The following VWA8 variants were observed in gnomAD, a reference collection of about 807,000 sequenced individuals.
VWA8 encodes von Willebrand factor A domain-containing protein 8.
A neutral mutation model predicts 241.5 loss-of-function variants in VWA8; 221 were observed. That is an observed-to-expected ratio of 0.91 (90% confidence interval 0.82 to 1.02). The LOEUF (loss-of-function observed/expected upper bound fraction) is 1.02. Ranked by LOEUF, VWA8 falls within the 50% of genes least tolerant of loss-of-function variation. VWA8 has a pLI of 0.00. For missense variants in VWA8, 2,322 were observed against 2,328.7 expected (o/e 1.00, Z 0.06); for synonymous variants, 852 against 827.1 (o/e 1.03, Z -0.52).
Position 41,648,727 on chromosome 13 carries a change from A to G in VWA8, c.4611+22219T>C, listed in dbSNP as rs369799373. ...GAGACATACAATTATAATTACCTTC[A>G]TAATAGCAACAATAACACATAGAAG... On this transcript the variant is annotated intron_variant, in intron 37 of 44. Transcript: ENST00000379310. 6.6e-5 allele frequency among the ~76,000 whole-genome samples: 10 copies of G among 152,234 alleles called. No homozygotes were observed. In the East Asian group the frequency reaches 1.2e-3, roughly 18 times the overall value.
chr13:41,937,469 T>A (rs757711352), intron 2 of VWA8, among the ~76,000 whole-genome samples: 12 of 152,084 alleles, frequency 7.9e-5, no homozygotes, highest in Non-Finnish European at 1.3e-4. Flanking sequence ...ACCAGTAGGG[T>A]TTGTCCTCCT....
At chr13:41,797,957 A>G (rs1047466532) in intron 17 of VWA8, among the ~76,000 whole-genome samples, 3 of 151,760 alleles carry the variant, frequency 2.0e-5, no homozygotes, top group Non-Finnish European at 2.9e-5. Context: ...TTTCATTTCC[A>G]CCTATGTTGT....
intron 43 of VWA8, among the ~76,000 whole-genome samples, chr13:41,572,174 G>GT (rs1459036450): frequency 6.6e-6 from 1 of 151,200 alleles, no homozygotes; most frequent in African/African-American, 2.4e-5. Flanking sequence ...CGGGAGGGAG[G>GT]TGGGGGGTCA....
chr13:41,764,193 T>C (rs751558629), intron 20 of VWA8, among the ~76,000 whole-genome samples: 3 of 152,212 alleles, frequency 2.0e-5, no homozygotes, highest in Non-Finnish European at 4.4e-5. Context: ...TAGAAGATTT[T>C]TGATGGCTTC....
At chr13:41,801,279 T>C (rs1229256228) in intron 17 of VWA8, among the ~76,000 whole-genome samples, 1 of 152,160 alleles carries the variant, frequency 6.6e-6, no homozygotes, top group African/African-American at 2.4e-5. Flanking sequence ...TTATTTCCTA[T>C]ACTTATTCAT....
intron 21 of VWA8, among the ~76,000 whole-genome samples, chr13:41,748,514 G>A (rs913300743): frequency 4.6e-5 from 7 of 151,796 alleles, no homozygotes; most frequent in African/African-American, 1.2e-4. Flanking sequence ...TCTTGCTAGC[G>A]GTCTATCAAT....
chr13:41,806,306 G>A (rs1013851929), intron 17 of VWA8, among the ~76,000 whole-genome samples: 4 of 152,144 alleles, frequency 2.6e-5, no homozygotes, highest in Non-Finnish European at 5.9e-5. Context: ...ACCTAACAAT[G>A]TATCTTGGAA....
At chr13:41,673,844 G>A (rs2045042004) in intron 36 of VWA8, among the ~76,000 whole-genome samples, 1 of 152,114 alleles carries the variant, frequency 6.6e-6, no homozygotes, top group African/African-American at 2.4e-5. Flanking sequence ...TCTTCCAGAT[G>A]TTCTTTCCAT....
intron 2 of VWA8, among the ~76,000 whole-genome samples, chr13:41,917,220 A>G (rs540485085): frequency 2.0e-5 from 3 of 152,176 alleles, no homozygotes; most frequent in Admixed American, 6.5e-5. Context: ...TAGAAAATTA[A>G]GCATAGGTCA....
intron 39 of VWA8, among the ~76,000 whole-genome samples, chr13:41,608,333 G>C (rs1195495423): frequency 6.6e-6 from 1 of 152,086 alleles, no homozygotes; most frequent in South Asian, 2.1e-4. Flanking sequence ...GATGTAGAAA[G>C]AAAAGAAATT....
rs1409327056 is a variant in VWA8, at chr13:41,886,783, C to T, written c.864G>A (p.Glu288=). 1.9e-6 allele frequency: 3 copies of T among 1,595,288 alleles called. No individual in the cohort carries two copies. The highest frequency in any genetic ancestry group is 2.6e-6 in the Non-Finnish European group (3 of 1,173,592). ...LYSIGANVSA[E]KVSQLLSFAT... ...GACATTTATAAAAATATACTTACTTCTCAGCAGAAACATTGGCTCCAATTG... is the reference window on the plus strand; with the variant it reads ...GACATTTATAAAAATATACTTACTTTTCAGCAGAAACATTGGCTCCAATTG... Residue 288 remains glutamate (E), a splice_region_variant and synonymous_variant, in exon 7 of 45, where the codon GAG becomes GAA. Transcript: ENST00000379310.
intron 17 of VWA8, among the ~76,000 whole-genome samples, chr13:41,792,230 C>T (rs1392587508): frequency 6.6e-6 from 1 of 150,986 alleles, no homozygotes; most frequent in East Asian, 1.9e-4. Flanking sequence ...TCCCTGAATG[C>T]CAGTGCTTTC....
At chr13:41,810,036 A>T (rs114894978) in intron 17 of VWA8, among the ~76,000 whole-genome samples, 1,668 of 152,274 alleles carry the variant, frequency 0.011, 33 homozygotes, top group African/African-American at 0.039. Context: ...TGCAAATCAA[A>T]ACTATAATGA....
At chr13:41,816,827 G>T in intron 15 of VWA8, 52 bp from the exon 16 acceptor site, 2 of 1,346,594 alleles carry the variant, frequency 1.5e-6, no homozygotes, top group South Asian at 2.5e-5. Flanking sequence ...CGGGATATCT[G>T]ATCAATCAAT....
chr13:41,873,360 C>A (rs1593834700), intron 9 of VWA8, among the ~76,000 whole-genome samples: 1 of 151,898 alleles, frequency 6.6e-6, no homozygotes, highest in African/African-American at 2.4e-5. Context: ...AATTGAGACA[C>A]AAAAAAATCC....
At chr13:41,719,892 A>AT (rs1426673860) in intron 25 of VWA8, 150 bp from the exon 26 acceptor site, 8 of 741,322 alleles carry the variant, frequency 1.1e-5, no homozygotes, top group Non-Finnish European at 1.7e-5. Flanking sequence ...GAATGTAGAC[A>AT]TTTTTCCCTT....
intron 37 of VWA8, among the ~76,000 whole-genome samples, chr13:41,636,458 T>C (rs982120782): frequency 3.3e-5 from 5 of 152,072 alleles, no homozygotes; most frequent in African/African-American, 1.2e-4. Context: ...ATGTTAGACC[T>C]AAAACCATAA....
chr13:41,806,028 C>T (rs1870190946), intron 17 of VWA8, among the ~76,000 whole-genome samples: 2 of 148,958 alleles, frequency 1.3e-5, no homozygotes, highest in Non-Finnish European at 3.0e-5. Flanking sequence ...GAAATGATGT[C>T]AAGTATCTTC....
In VWA8 at chr13:41,787,474, A is replaced by C. The variant is rs138785545; in HGVS notation, c.2133T>G (p.Thr711=). 1.2e-6 allele frequency: 2 copies of C among 1,611,126 alleles called. No homozygotes were observed. The highest frequency in any genetic ancestry group is 1.7e-5 in the Admixed American group (1 of 59,854). ...TCAGTTCTGGCTCCAAATTGTCATCAGTATTTATTTCTATTGTAGCATCTG... is the reference window on the plus strand; with the variant it reads ...TCAGTTCTGGCTCCAAATTGTCATCCGTATTTATTTCTATTGTAGCATCTG... The part of the protein sequence containing the change: ...NLADATIEIN[T]DDNLEPELKD... Residue 711 remains threonine, a synonymous_variant, in exon 18 of 45, where the codon ACT becomes ACG. Transcript: ENST00000379310.
Sources: allele counts gnomAD v4.1 joint callset (sites outside exome capture counted in the v4.1 genomes callset), GRCh38; gene constraint gnomAD v4.1.1; transcripts MANE v1.5; gene names NCBI Gene and HGNC (gene_info 2026-07-23, HGNC 2026-07-21).